The following ACOT11 variants were observed in gnomAD, a reference collection of about 807,000 sequenced individuals.
ACOT11 encodes the protein acyl-CoA thioesterase 11.
In ACOT11, 69 loss-of-function variants were observed where a neutral mutation model predicts 77.5. The ratio of observed to expected loss-of-function variants is 0.89; its 90% confidence interval spans 0.73 to 1.09. The LOEUF is 1.09. Among genes scored for constraint, ACOT11 ranks in the 50% least tolerant of loss-of-function variants. The probability of loss-of-function intolerance (pLI) is 0.00; values close to 1 mark genes in which losing one functional copy is unlikely to be tolerated. For missense variants in ACOT11, 766 were observed against 813.7 expected (o/e 0.94, Z 0.71); for synonymous variants, 279 against 313.0 (o/e 0.89, Z 1.15).
At position 54,607,121 on chromosome 1, in the gene ACOT11, G is replaced by A. The variant is rs766791612; in HGVS notation, c.1371-13G>A. The A allele has an allele frequency of 3.7e-5, 59 of 1,613,642 alleles. No homozygotes were observed. The South Asian group carries it at 4.1e-4, about 11-fold the overall frequency. ...AAGCTTCCTGGGGCACTGAGATCCC[G>A]GCCTCCCCACAGGAGCGTGGAGCTA... is the stretch of plus-strand genomic sequence containing the variant. On this transcript the variant is annotated splice_polypyrimidine_tract_variant and intron_variant, in intron 13 of 15. Coordinates refer to ENST00000343744, the MANE Select transcript of ACOT11 (RefSeq NM_147161.4). This position sits in a 1 kb window ranked among gnomAD's most constrained non-coding sequence, Gnocchi z 4.5.
intron 1 of ACOT11, among the ~76,000 whole-genome samples, chr1:54,548,984 G>A (rs1652971440): frequency 6.6e-6 from 1 of 152,194 alleles, no homozygotes; most frequent in Non-Finnish European, 1.5e-5. Flanking sequence ...TATGGAGATG[G>A]GCTCAGGACA....
chr1:54,632,481 G>C (rs1345727885), intron 16 of ACOT11, among the ~76,000 whole-genome samples: 2 of 152,210 alleles, frequency 1.3e-5, no homozygotes, highest in South Asian at 2.1e-4. Context: ...AGGAGTCATT[G>C]ATTCAGATTA....
At chr1:54,560,676 G>A (rs1653439763) in intron 1 of ACOT11, among the ~76,000 whole-genome samples, 1 of 151,710 alleles carries the variant, frequency 6.6e-6, no homozygotes, top group South Asian at 2.1e-4. Context: ...CAAGTAACTG[G>A]TACACCTGAC....
intron 13 of ACOT11, among the ~76,000 whole-genome samples, chr1:54,606,595 G>A (rs1055955106): frequency 2.0e-4 from 30 of 152,350 alleles, no homozygotes; most frequent in Admixed American, 3.3e-4. Flanking sequence ...CTCTGTGGCC[G>A]TGGGCAGGTT....
At chr1:54,597,862 A>C in intron 7 of ACOT11, 1 of 169,458 alleles carries the variant, frequency 5.9e-6, no homozygotes, top group Non-Finnish European at 1.3e-5. Flanking sequence ...CTTCCTCCAT[A>C]AAGCCATCTC....
chr1:54,550,810 G>A (rs1279951193), intron 1 of ACOT11, among the ~76,000 whole-genome samples: 1 of 151,898 alleles, frequency 6.6e-6, no homozygotes, highest in Admixed American at 6.6e-5. Flanking sequence ...ATGACAGAGT[G>A]AGATCCTGTC....
At chr1:54,570,935 G>A (rs566976960) in intron 1 of ACOT11, among the ~76,000 whole-genome samples, 6 of 151,664 alleles carry the variant, frequency 4.0e-5, no homozygotes, top group Admixed American at 1.3e-4. Flanking sequence ...TGCCTGCCTC[G>A]GCCTCCCAAA....
Position 54,605,130 on chromosome 1 carries a change from G to A in ACOT11, c.1291G>A (p.Val431Met). 1 of 1,614,012 alleles carries A rather than the reference G, an allele frequency of 6.2e-7. No homozygotes were observed. Among genetic ancestry groups the A allele is most frequent in the Non-Finnish European group, 8.5e-7 (1 of 1,180,030 alleles). Reference sequence around the variant, plus strand: ...GTTCCTCTCCTTCCACATGGAGATGGTGGTGCATGTGGATGCAGCCCAGGC... The same window carrying A: ...GTTCCTCTCCTTCCACATGGAGATGATGGTGCATGTGGATGCAGCCCAGGC... Reference protein sequence around the residue: ...DKFLSFHMEMVVHVDAAQAFL... With the variant: ...DKFLSFHMEMMVHVDAAQAFL... Residue 431 changes from valine to methionine, a missense_variant, in exon 13 of 16, where the codon GTG becomes ATG. Physicochemically the swap from Val to Met is conservative, Grantham distance 21. Coordinates refer to ENST00000343744, the MANE Select transcript of ACOT11 (RefSeq NM_147161.4).
At chr1:54,637,580 C>T (rs140380039) in exon 17 of ACOT11, 3,248 of 152,228 alleles carry the variant, frequency 0.021, 103 homozygotes, top group Admixed American at 0.093. Flanking sequence ...GTCAGGAGTT[C>T]GAGACCAGTC....
intron 3 of ACOT11, among the ~76,000 whole-genome samples, chr1:54,588,424 A>G (rs1483381555): frequency 6.6e-6 from 1 of 152,174 alleles, no homozygotes; most frequent in African/African-American, 2.4e-5. Flanking sequence ...TATTTTACAG[A>G]TGAGGAAACT....
intron 6 of ACOT11, among the ~76,000 whole-genome samples, chr1:54,596,756 G>T (rs1017383281): frequency 6.6e-6 from 1 of 152,046 alleles, no homozygotes; most frequent in African/African-American, 2.4e-5. Context: ...TTGTATTTTA[G>T]TAGAGACAAA....
chr1:54,571,073 T>TCTCTCTCTC (rs1491441531), intron 1 of ACOT11, among the ~76,000 whole-genome samples: 4 of 127,510 alleles, frequency 3.1e-5, no homozygotes, highest in Admixed American at 7.2e-5. Flanking sequence ...CTCTCTCTCT[T>TCTCTCTCTC]TTTTTTTTTT....
intron 6 of ACOT11, among the ~76,000 whole-genome samples, chr1:54,596,827 G>T (rs761986297): frequency 2.0e-5 from 3 of 152,140 alleles, no homozygotes; most frequent in Non-Finnish European, 4.4e-5. Context: ...TACCCTCCTT[G>T]GCCTCCCAAA....
Position 54,609,172 on chromosome 1 carries a change from T to C in ACOT11, c.*60T>C. 1 of 1,609,614 alleles carries C rather than the reference T, an allele frequency of 6.2e-7. No homozygotes were observed. Among genetic ancestry groups the C allele is most frequent in the Non-Finnish European group, 8.5e-7 (1 of 1,177,586 alleles). Reference sequence around the variant, plus strand: ...TCCATCCTGTCCCCAAGGACTCACATACAGTGCCTGGAGAAAGCCAAAGAC... The same window carrying C: ...TCCATCCTGTCCCCAAGGACTCACACACAGTGCCTGGAGAAAGCCAAAGAC... On this transcript the variant is annotated 3_prime_UTR_variant, in exon 16 of 16. Coordinates refer to ENST00000343744, the MANE Select transcript of ACOT11 (RefSeq NM_147161.4).
intron 15 of ACOT11, among the ~76,000 whole-genome samples, chr1:54,624,071 C>T (rs540276334): frequency 6.6e-6 from 1 of 152,274 alleles, no homozygotes; most frequent in African/African-American, 2.4e-5. Flanking sequence ...GCAGCGAGTC[C>T]ATGGGGAAGG....
At chr1:54,599,239 A>C (rs1197425925) in intron 7 of ACOT11, 57 bp from the exon 8 acceptor site, 1 of 1,148,694 alleles carries the variant, frequency 8.7e-7, no homozygotes, top group Non-Finnish European at 1.1e-6. Context: ...TCTGGCCCAA[A>C]CTAGTGGCTG....
chr1:54,628,585 A>T (rs1569814526), intron 15 of ACOT11: 1 of 102,242 alleles, frequency 9.8e-6, no homozygotes, highest in Non-Finnish European at 2.1e-5. Context: ...TCAGAGCAAG[A>T]CCCCATCGCC....
At chr1:54,604,563 C>T in intron 12 of ACOT11, 134 bp downstream of exon 12, 1 of 853,602 alleles carries the variant, frequency 1.2e-6, no homozygotes, top group Admixed American at 2.3e-5. Context: ...ATCAAGAAAC[C>T]AGTCCAGTTA....
chr1:54,603,055 C>G (rs900176362), intron 10 of ACOT11, among the ~76,000 whole-genome samples: 2 of 152,174 alleles, frequency 1.3e-5, no homozygotes, highest in African/African-American at 4.8e-5. Context: ...AAGAAACGTT[C>G]AGAGAGGAGA....
Sources: allele counts gnomAD v4.1 joint callset (sites outside exome capture counted in the v4.1 genomes callset), GRCh38; gene constraint gnomAD v4.1.1; non-coding constraint Gnocchi (gnomAD v3.1); transcripts MANE v1.5; gene names NCBI Gene and HGNC (gene_info 2026-07-23, HGNC 2026-07-21).